The following TTLL11 variants were observed in gnomAD, a reference collection of about 807,000 sequenced individuals.
The protein encoded by TTLL11 is tubulin polyglutamylase TTLL11.
A neutral mutation model predicts 51.7 loss-of-function variants in TTLL11; 42 were observed. The observed-to-expected ratio is 0.81, with a 90% CI of 0.64 to 1.05. The LOEUF (loss-of-function observed/expected upper bound fraction) is 1.05, where lower values mean the gene tolerates loss of function less well. TTLL11 is among the 50% of genes least tolerant of loss of function. TTLL11 has a pLI of 0.00. For synonymous variants in TTLL11, 381 were observed against 383.5 expected (o/e 0.99, Z 0.08); for missense variants, 799 against 940.4 (o/e 0.85, Z 1.97).
intron 8 of TTLL11, among the ~76,000 whole-genome samples, chr9:121,847,081 G>C (rs577441122): frequency 6.6e-6 from 1 of 152,080 alleles, no homozygotes; most frequent in South Asian, 2.1e-4. Context: ...GTGGTGGCTG[G>C]CGCCTATAGT....
At chr9:121,933,801 T>C (rs1479202397) in intron 6 of TTLL11, among the ~76,000 whole-genome samples, 1 of 152,224 alleles carries the variant, frequency 6.6e-6, no homozygotes, top group South Asian at 2.1e-4. Flanking sequence ...TGCTGTGATA[T>C]GTTGGGGAGT....
At chr9:122,076,716 T>TC (rs1286004581) in intron 1 of TTLL11, among the ~76,000 whole-genome samples, 2 of 120,066 alleles carry the variant, frequency 1.7e-5, no homozygotes, top group Non-Finnish European at 3.5e-5. Context: ...AAGATCACCA[T>TC]CAAAAAAAAA....
intron 1 of TTLL11, among the ~76,000 whole-genome samples, chr9:122,050,340 A>C (rs73662574): frequency 0.027 from 4,045 of 152,310 alleles, 168 homozygotes; most frequent in African/African-American, 0.093. Flanking sequence ...GCTCTTGAGT[A>C]AGGACACTGC....
chr9:122,049,397 A>G (rs773249125), intron 1 of TTLL11, among the ~76,000 whole-genome samples: 4 of 152,220 alleles, frequency 2.6e-5, no homozygotes, highest in Non-Finnish European at 5.9e-5. Context: ...CAGAGGTATT[A>G]TAGTAAGGGC....
At chr9:121,903,223 A>C (rs1002162054) in intron 6 of TTLL11, among the ~76,000 whole-genome samples, 1 of 152,190 alleles carries the variant, frequency 6.6e-6, no homozygotes, top group African/African-American at 2.4e-5. Flanking sequence ...ACTAAAGATT[A>C]AAGAGAGGAG....
At chr9:121,994,251 C>T (rs188237914) in intron 3 of TTLL11, among the ~76,000 whole-genome samples, 80 of 152,166 alleles carry the variant, frequency 5.3e-4, no homozygotes, top group African/African-American at 1.7e-3. Context: ...AAGGCAGGAG[C>T]GGGCAGGACA....
chr9:121,974,841 A>G (rs1406798067), intron 5 of TTLL11, 43 bp downstream of exon 5: 2 of 1,405,790 alleles, frequency 1.4e-6, no homozygotes, highest in Admixed American at 2.2e-5. Flanking sequence ...AGGAATATTC[A>G]GCTGTATGGC....
At chr9:121,889,264 T>G (rs1241321610) in intron 6 of TTLL11, among the ~76,000 whole-genome samples, 2 of 151,970 alleles carry the variant, frequency 1.3e-5, no homozygotes, top group Non-Finnish European at 2.9e-5. Flanking sequence ...CAGAGAGAGC[T>G]CAGAATAAGA....
intron 1 of TTLL11, among the ~76,000 whole-genome samples, chr9:122,047,378 G>A (rs1845037440): frequency 6.6e-6 from 1 of 152,198 alleles, no homozygotes; most frequent in African/African-American, 2.4e-5. Flanking sequence ...CACAGAGGTA[G>A]GACTGTCATT....
In TTLL11 at chr9:121,822,249, G is replaced by A. The variant is rs956855258; in HGVS notation, c.*338C>T. 5.8e-6 allele frequency: 1 copy of A among 171,004 alleles called. No individual in the cohort carries two copies. The highest frequency in any genetic ancestry group is 1.2e-5 in the Non-Finnish European group (1 of 80,736). The allele number at this position is 171,004 out of a possible 1,614,324, so 10.6% of individuals were successfully genotyped here. On this transcript the variant is annotated 3_prime_UTR_variant, in exon 9 of 9. Transcript: ENST00000321582. This position sits in a 1 kb window ranked among gnomAD's most constrained non-coding sequence, Gnocchi z 5.8. ...CTCCACAGCTCCGGGCCTTGGGATC[G>A]ATTGTGTCCTGTGCCCCAAATACAA...
In TTLL11 at chr9:121,820,749, C is replaced by T. The variant is rs143253525; in HGVS notation, c.*1838G>A. On this transcript the variant is annotated 3_prime_UTR_variant, in exon 9 of 9. Transcript: ENST00000321582. ...CACAGTGCCCCATGTAGAGAACACTCGACACACCTCAGGAGGCACATCCTG... is the reference window on the plus strand; with the variant it reads ...CACAGTGCCCCATGTAGAGAACACTTGACACACCTCAGGAGGCACATCCTG... Among the ~76,000 whole-genome samples the T allele has an allele frequency of 4.4e-3, 667 of 151,868 alleles. 5 individuals are homozygous for T. The highest frequency in any genetic ancestry group is 0.014 in the African/African-American group (574 of 41,416).
chr9:122,042,378 C>T (rs927543669), intron 1 of TTLL11, among the ~76,000 whole-genome samples: 1 of 152,198 alleles, frequency 6.6e-6, no homozygotes, highest in African/African-American at 2.4e-5. Flanking sequence ...TGAGATACCA[C>T]CAGCACCTAT....
At chr9:122,004,437 C>A (rs1588196836) in intron 3 of TTLL11, among the ~76,000 whole-genome samples, 1 of 151,918 alleles carries the variant, frequency 6.6e-6, no homozygotes. Flanking sequence ...GCAACCTACA[C>A]CTCCCAGGTT....
At chr9:122,079,688 G>A (rs774928393) in intron 1 of TTLL11, among the ~76,000 whole-genome samples, 3 of 150,374 alleles carry the variant, frequency 2.0e-5, no homozygotes, top group East Asian at 1.9e-4. Flanking sequence ...CAGCCTGGGC[G>A]ACAGAGCAAG....
chr9:121,853,060 G>C lies in TTLL11; in HGVS notation c.1840+7277C>G, dbSNP rs1288259320. Among the ~76,000 whole-genome samples the C allele has an allele frequency of 6.6e-6, 1 of 152,180 alleles. No individual in the cohort carries two copies. Among genetic ancestry groups the C allele is most frequent in the African/African-American group, 2.4e-5 (1 of 41,442 alleles). ...TCGTTAACCAAATACATTTCAGCTG[G>C]GGCTTACTCCAGCCGATGTGAGCAG... On this transcript the variant is annotated intron_variant, in intron 8 of 8. Coordinates refer to ENST00000321582, the MANE Select transcript of TTLL11 (RefSeq NM_001139442.2). This position sits in a 1 kb window ranked among gnomAD's most constrained non-coding sequence, Gnocchi z 5.6.
chr9:122,010,209 A>T (rs982321031), intron 3 of TTLL11, among the ~76,000 whole-genome samples: 4 of 152,184 alleles, frequency 2.6e-5, no homozygotes, highest in Non-Finnish European at 5.9e-5. Context: ...TCATCATTTA[A>T]TACAACTGAC....
intron 6 of TTLL11, among the ~76,000 whole-genome samples, chr9:121,950,935 C>T (rs1023174475): frequency 5.3e-5 from 8 of 152,122 alleles, no homozygotes; most frequent in Non-Finnish European, 1.0e-4. Context: ...CAGTAACCCT[C>T]GATAAATGTG....
At chr9:121,899,355 A>ACG (rs1564295229) in intron 6 of TTLL11, among the ~76,000 whole-genome samples, 1 of 138,902 alleles carries the variant, frequency 7.2e-6, no homozygotes, top group Admixed American at 7.4e-5. Flanking sequence ...GTGTGTGTGT[A>ACG]TGTGTGTGTG....
intron 6 of TTLL11, among the ~76,000 whole-genome samples, chr9:121,903,670 G>A (rs1400814599): frequency 6.6e-6 from 1 of 152,052 alleles, no homozygotes; most frequent in African/African-American, 2.4e-5. Flanking sequence ...TTATTTTTAT[G>A]CACATTATTT....
Sources: allele counts gnomAD v4.1 joint callset (sites outside exome capture counted in the v4.1 genomes callset), GRCh38; gene constraint gnomAD v4.1.1; non-coding constraint Gnocchi (gnomAD v3.1); transcripts MANE v1.5; gene names NCBI Gene and HGNC (gene_info 2026-07-23, HGNC 2026-07-21).